Variants in SNX10 observed in about 807,000 individuals in gnomAD.
The protein encoded by SNX10 is sorting nexin 10, also known as sorting nexin-10.
In SNX10, 25 loss-of-function variants were observed where a neutral mutation model predicts 28.5. The observed-to-expected ratio is 0.88, with a 90% confidence interval of 0.64 to 1.22. SNX10 has a LOEUF of 1.22. SNX10 is among the 50% of genes most tolerant of loss of function. SNX10 has a pLI of 0.00. For missense variants in SNX10, 223 were observed against 242.6 expected (o/e 0.92, Z 0.54); for synonymous variants, 62 against 81.4 (o/e 0.76, Z 1.28).
intron 1 of SNX10, among the ~76,000 whole-genome samples, chr7:26,338,683 T>C (rs1393556075): frequency 1.3e-5 from 2 of 152,014 alleles, no homozygotes; most frequent in African/African-American, 4.8e-5. Context: ...GGATTACAGG[T>C]GTGAGCCACT....
At chr7:26,335,526 G>A (rs1189278869) in intron 1 of SNX10, among the ~76,000 whole-genome samples, 1 of 151,924 alleles carries the variant, frequency 6.6e-6, no homozygotes, top group Non-Finnish European at 1.5e-5. Flanking sequence ...ACTGTGTCTG[G>A]GGAGGGTCAT....
chr7:26,342,257 C>CCGA (rs1235925568), intron 1 of SNX10, among the ~76,000 whole-genome samples: 1 of 152,142 alleles, frequency 6.6e-6, no homozygotes, highest in Non-Finnish European at 1.5e-5. Flanking sequence ...AAACTCCTGA[C>CCGA]CTCAGGTGAT....
chr7:26,292,468 A>AT lies in SNX10; in HGVS notation c.-24+389dup, dbSNP rs1323987321. Among the ~76,000 whole-genome samples, 3 of 151,958 alleles carry AT rather than the reference A, an allele frequency of 2.0e-5. 1 individual carries two copies. The East Asian group carries it at 5.8e-4, about 29-fold the overall frequency. On this transcript the variant is annotated intron_variant, in intron 1 of 6. Transcript: ENST00000338523. ...GGTGGTTTTTAAAATTTATTTATTT[A>AT]TTTTTTTATTCATTCATTAACGGGT... is the stretch of plus-strand genomic sequence containing the variant.
At chr7:26,350,152 C>G (rs3801886) in intron 2 of SNX10, among the ~76,000 whole-genome samples, 11,016 of 152,260 alleles carry the variant, frequency 0.072, 703 homozygotes, top group East Asian at 0.26. Context: ...TTTAGGATAA[C>G]TGATTTTCCC....
chr7:26,355,795 G>C (rs554737542), intron 2 of SNX10, among the ~76,000 whole-genome samples: 2 of 152,316 alleles, frequency 1.3e-5, no homozygotes, highest in African/African-American at 4.8e-5. Flanking sequence ...GATAGAACAT[G>C]TTTGAGAGTA....
chr7:26,299,671 G>A (rs576269369), intron 1 of SNX10, among the ~76,000 whole-genome samples: 32 of 152,094 alleles, frequency 2.1e-4, no homozygotes, highest in African/African-American at 6.7e-4. Flanking sequence ...TGATCTGCCC[G>A]CCTTGGCCTC....
intron 1 of SNX10, among the ~76,000 whole-genome samples, chr7:26,293,500 T>C (rs1786003122): frequency 6.6e-6 from 1 of 152,178 alleles, no homozygotes; most frequent in Non-Finnish European, 1.5e-5. Flanking sequence ...GCCACTGCGC[T>C]CGGCCTTTTA....
intron 1 of SNX10, among the ~76,000 whole-genome samples, chr7:26,324,252 TA>T (rs1035730905): frequency 4.2e-5 from 6 of 144,418 alleles, no homozygotes; most frequent in South Asian, 2.4e-4. Flanking sequence ...TTATATCAAT[TA>T]AAAAAATGTG....
chr7:26,312,682 G>T (rs889855973), intron 1 of SNX10, among the ~76,000 whole-genome samples: 5 of 152,164 alleles, frequency 3.3e-5, no homozygotes, highest in African/African-American at 1.2e-4. Context: ...TACTCAAGAG[G>T]CTGAGGCAAG....
chr7:26,313,162 A>G (rs1364812144), intron 1 of SNX10, among the ~76,000 whole-genome samples: 1 of 152,244 alleles, frequency 6.6e-6, no homozygotes, highest in Non-Finnish European at 1.5e-5. Flanking sequence ...AGCCACAAAA[A>G]GAGAACGAGG....
At chr7:26,351,649 TTTTTTTTTTG>T (rs1243148129) in intron 2 of SNX10, among the ~76,000 whole-genome samples, 3,272 of 90,784 alleles carry the variant, frequency 0.036, 79 homozygotes, top group East Asian at 0.14. Flanking sequence ...CAGTCTGGTT[TTTTTTTTTTG>T]TTTTTTTTTT....
intron 1 of SNX10, among the ~76,000 whole-genome samples, chr7:26,326,912 G>C (rs1391802468): frequency 6.6e-6 from 1 of 150,398 alleles, no homozygotes; most frequent in South Asian, 2.1e-4. Flanking sequence ...TTAGAACAGC[G>C]ATTATCCTTT....
chr7:26,320,872 T>C (rs1479684761), intron 1 of SNX10, among the ~76,000 whole-genome samples: 1 of 152,226 alleles, frequency 6.6e-6, no homozygotes, highest in Non-Finnish European at 1.5e-5. Context: ...CAGATTCACC[T>C]CTTTCCTTTG....
chr7:26,339,712 A>G (rs12669655), intron 1 of SNX10, among the ~76,000 whole-genome samples: 30,156 of 151,126 alleles, frequency 0.2, 3,594 homozygotes, highest in East Asian at 0.44. Flanking sequence ...ATGCCTGGCT[A>G]ATTTTTCTAT....
At position 26,306,705 on chromosome 7, in the gene SNX10, A is replaced by C. The variant is rs972490108; in HGVS notation, c.-24+14619A>C. Among the ~76,000 whole-genome samples, 8 of 152,210 alleles carry C rather than the reference A, an allele frequency of 5.3e-5. No individual in the cohort carries two copies. The South Asian group carries it at 1.0e-3, about 20-fold the overall frequency. On this transcript the variant is annotated intron_variant, in intron 1 of 6. Coordinates refer to ENST00000338523, the MANE Select transcript of SNX10 (RefSeq NM_013322.3). ...CATGAGCCACCGTGCCCAGACAGAA[A>C]ATTTTTGTAAAGGAACAAATGCTCT...
chr7:26,321,935 A>G (rs7794635), intron 1 of SNX10, among the ~76,000 whole-genome samples: 1,530 of 152,188 alleles, frequency 0.01, 21 homozygotes, highest in African/African-American at 0.035. Flanking sequence ...ATATTGGGCT[A>G]TGATACATAT....
intron 1 of SNX10, among the ~76,000 whole-genome samples, chr7:26,339,702 A>G (rs1000241355): frequency 6.6e-6 from 1 of 151,720 alleles, no homozygotes; most frequent in African/African-American, 2.4e-5. Flanking sequence ...GCCTGCCACC[A>G]TGCCTGGCTA....
At position 26,335,804 on chromosome 7, in the gene SNX10, C is replaced by T. The variant is rs1275334560; in HGVS notation, c.-23-10616C>T. Reference sequence around the variant, plus strand: ...TGTCGCCCAGGCGGGAGTGCTGTGGCGCGATCTCCGCTCACTGCAAGCTCC... The same window carrying T: ...TGTCGCCCAGGCGGGAGTGCTGTGGTGCGATCTCCGCTCACTGCAAGCTCC... On this transcript the variant is annotated intron_variant, in intron 1 of 6. Transcript: ENST00000338523. 3.4e-5 allele frequency among the ~76,000 whole-genome samples: 4 copies of T among 117,076 alleles called. No homozygotes were observed. The South Asian group carries it at 8.5e-4, about 25-fold the overall frequency. The allele number at this position is 117,076 out of a possible 152,430, so 76.8% of individuals were successfully genotyped here.
At chr7:26,294,182 A>G (rs1216203886) in intron 1 of SNX10, among the ~76,000 whole-genome samples, 1 of 152,222 alleles carries the variant, frequency 6.6e-6, no homozygotes, top group Non-Finnish European at 1.5e-5. Flanking sequence ...AATCCCCCAA[A>G]TTTAGCATTG....
Sources: gnomAD v4.1 joint callset for allele counts (sites outside exome capture counted in the v4.1 genomes callset) on GRCh38, gnomAD v4.1.1 for gene constraint, MANE v1.5 for transcripts, NCBI Gene and HGNC (gene_info 2026-07-23, HGNC 2026-07-21) for gene names.